The following GABRB1 variants were observed in gnomAD, a reference collection of about 807,000 sequenced individuals.
GABRB1 encodes gamma-aminobutyric acid type A receptor subunit beta1.
Under a neutral mutation model 51.6 loss-of-function variants are expected in GABRB1, and 17 were observed. The observed-to-expected ratio is 0.33, with a 90% CI of 0.23 to 0.49. The LOEUF (loss-of-function observed/expected upper bound fraction) is 0.49. GABRB1 is among the 20% of genes least tolerant of loss of function. The pLI is 0.99. For synonymous variants in GABRB1, 247 were observed against 218.9 expected, an observed-to-expected ratio of 1.13 and a Z score of -1.14; for missense variants, 410 against 600.6, an observed-to-expected ratio of 0.68 and a Z score of 3.32.
chr4:47,321,761 T>C (rs1378716900), intron 5 of GABRB1, among the ~76,000 whole-genome samples: 1 of 95,054 alleles, frequency 1.1e-5, no homozygotes, highest in Non-Finnish European at 2.2e-5. Context: ...TTGAGCACTC[T>C]TCCATTGACT....
chr4:47,127,241 A>G (rs7680746), intron 3 of GABRB1, among the ~76,000 whole-genome samples: 137,085 of 151,716 alleles, frequency 0.9, 62,017 homozygotes, highest in South Asian at 0.93. Flanking sequence ...CATAGGAATA[A>G]TATCAACATG....
At chr4:47,299,962 T>C (rs1724182762) in intron 4 of GABRB1, among the ~76,000 whole-genome samples, 1 of 151,574 alleles carries the variant, frequency 6.6e-6, no homozygotes, top group Admixed American at 6.6e-5. Context: ...AAACTGGAAC[T>C]CATCATTCTC....
At chr4:47,011,198 C>G (rs1446881293) in intron 1 of GABRB1, among the ~76,000 whole-genome samples, 1 of 152,018 alleles carries the variant, frequency 6.6e-6, no homozygotes, top group East Asian at 1.9e-4. Context: ...GGTGGGAGGG[C>G]CCAGGGACAA....
chr4:47,389,070 T>C (rs1471102653), intron 5 of GABRB1, among the ~76,000 whole-genome samples: 1 of 152,190 alleles, frequency 6.6e-6, no homozygotes, highest in Non-Finnish European at 1.5e-5. Flanking sequence ...GACTTTTTAA[T>C]AATGGCTTTG....
chr4:47,406,065 T>A (rs184451136), intron 7 of GABRB1, among the ~76,000 whole-genome samples: 1 of 152,192 alleles, frequency 6.6e-6, no homozygotes, highest in Admixed American at 6.5e-5. Flanking sequence ...GCAACAAGAT[T>A]ATAGTAAATG....
intron 4 of GABRB1, among the ~76,000 whole-genome samples, chr4:47,270,195 G>A (rs988665285): frequency 6.6e-6 from 1 of 152,164 alleles, no homozygotes; most frequent in African/African-American, 2.4e-5. Flanking sequence ...CACATGACAT[G>A]GCTGTTTTGG....
intron 5 of GABRB1, among the ~76,000 whole-genome samples, chr4:47,348,109 A>T (rs922987962): frequency 6.6e-6 from 1 of 152,126 alleles, no homozygotes; most frequent in Admixed American, 6.6e-5. Flanking sequence ...TGACAGAAAA[A>T]CACAGTAACC....
chr4:47,156,395 T>G (rs958420867), intron 3 of GABRB1, among the ~76,000 whole-genome samples: 14 of 152,044 alleles, frequency 9.2e-5, no homozygotes, highest in African/African-American at 3.4e-4. Flanking sequence ...AGACAATTCT[T>G]TATTATGGGG....
intron 4 of GABRB1, among the ~76,000 whole-genome samples, chr4:47,295,657 G>A (rs1723955615): frequency 6.6e-6 from 1 of 152,218 alleles, no homozygotes; most frequent in South Asian, 2.1e-4. Flanking sequence ...GTGACGGGGA[G>A]AATGGAACCA....
At chr4:47,020,384 T>C (rs1724896079) in intron 1 of GABRB1, among the ~76,000 whole-genome samples, 1 of 152,184 alleles carries the variant, frequency 6.6e-6, no homozygotes, top group Admixed American at 6.5e-5. Context: ...TTCAAATGTA[T>C]ACTTCCAACC....
chr4:47,249,679 T>C (rs186705416), intron 4 of GABRB1, among the ~76,000 whole-genome samples: 2 of 152,338 alleles, frequency 1.3e-5, no homozygotes, highest in East Asian at 3.9e-4. Context: ...CATTATAAAA[T>C]GTCCCTCTTT....
chr4:47,283,116 C>G (rs1278294601), intron 4 of GABRB1, among the ~76,000 whole-genome samples: 1 of 152,082 alleles, frequency 6.6e-6, no homozygotes, highest in Non-Finnish European at 1.5e-5. Context: ...ACACCCTGAA[C>G]ATGTTTAGAG....
chr4:47,005,017 A>T (rs1724343159), intron 1 of GABRB1, among the ~76,000 whole-genome samples: 1 of 152,192 alleles, frequency 6.6e-6, no homozygotes, highest in African/African-American at 2.4e-5. Flanking sequence ...ATGGAGAGAG[A>T]GCCAAAGCCA....
At chr4:47,282,205 T>G (rs768433000) in intron 4 of GABRB1, among the ~76,000 whole-genome samples, 1 of 152,226 alleles carries the variant, frequency 6.6e-6, no homozygotes, top group Non-Finnish European at 1.5e-5. Flanking sequence ...TTAATCATAC[T>G]TCACTATTCC....
At chr4:47,102,117 G>A (rs143121036) in intron 3 of GABRB1, among the ~76,000 whole-genome samples, 71 of 152,156 alleles carry the variant, frequency 4.7e-4, no homozygotes, top group African/African-American at 1.5e-3. Context: ...GAACTTGGCT[G>A]TGAAGGTACA....
intron 3 of GABRB1, among the ~76,000 whole-genome samples, chr4:47,074,902 T>A (rs894212996): frequency 6.6e-6 from 1 of 152,234 alleles, no homozygotes; most frequent in Admixed American, 6.5e-5. Flanking sequence ...CTCAAGATTA[T>A]CTCAGTATTT....
intron 3 of GABRB1, among the ~76,000 whole-genome samples, chr4:47,098,849 G>C (rs1449792776): frequency 6.6e-6 from 1 of 152,016 alleles, no homozygotes; most frequent in Non-Finnish European, 1.5e-5. Context: ...TAATAACCTC[G>C]AGTAGATATC....
chr4:47,088,242 G>A (rs765552483), intron 3 of GABRB1, among the ~76,000 whole-genome samples: 10 of 152,162 alleles, frequency 6.6e-5, no homozygotes, highest in Non-Finnish European at 1.2e-4. Flanking sequence ...GGGTGCTGGG[G>A]ACAGAGATGA....
chr4:47,094,193 G>T (rs1235848469), intron 3 of GABRB1, among the ~76,000 whole-genome samples: 1 of 150,334 alleles, frequency 6.7e-6, no homozygotes, highest in Non-Finnish European at 1.5e-5. Flanking sequence ...AGAAAGTAAG[G>T]ATGGAAAAAG....
Sources: allele counts gnomAD v4.1 joint callset (sites outside exome capture counted in the v4.1 genomes callset), GRCh38; gene constraint gnomAD v4.1.1; transcripts MANE v1.5; gene names NCBI Gene and HGNC (gene_info 2026-07-23, HGNC 2026-07-21).